SNX7: variants seen among roughly 807,000 people sequenced by gnomAD.
SNX7 encodes sorting nexin 7.
Under a neutral mutation model 48.4 loss-of-function variants are expected in SNX7, and 35 were observed. That is an observed-to-expected ratio of 0.72 (90% CI 0.55 to 0.96). The LOEUF (loss-of-function observed/expected upper bound fraction) is 0.96. Among genes scored for constraint, SNX7 ranks in the 40% least tolerant of loss-of-function variants. The probability of loss-of-function intolerance (pLI) is 0.00; values close to 1 mark genes in which losing one functional copy is unlikely to be tolerated. For synonymous variants in SNX7, 190 were observed against 190.2 expected (o/e 1.00, Z 0.01); for missense variants, 553 against 548.9 (o/e 1.01, Z -0.07).
At chr1:98,661,634 C>T (rs1003277170), upstream of SNX7, 10 of 1,069,064 alleles carry the variant, frequency 9.4e-6, no homozygotes, top group South Asian at 1.8e-4. Context: ...GGAGCGGGGC[C>T]GGCCGGGGAG....
At chr1:98,667,100 T>C (rs1378950419) in intron 1 of SNX7, among the ~76,000 whole-genome samples, 1 of 152,222 alleles carries the variant, frequency 6.6e-6, no homozygotes, top group Non-Finnish European at 1.5e-5. Flanking sequence ...AATTCCTGCA[T>C]AAACCAGTGA....
In SNX7 at chr1:98,722,269, G is replaced by C. The variant is rs941352329; in HGVS notation, c.1126-15968G>C. 4.6e-5 allele frequency among the ~76,000 whole-genome samples: 7 copies of C among 152,232 alleles called. No individual in the cohort carries two copies. The East Asian group carries it at 1.3e-3, about 29-fold the overall frequency. On this transcript the variant is annotated intron_variant, in intron 7 of 8. Coordinates refer to ENST00000306121, the MANE Select transcript of SNX7 (RefSeq NM_015976.5). ...GAGAGGTTTCCACTTTTTAAGAAAA[G>C]TATGTATTGTAAAGTATGTAAAAAA...
chr1:98,674,368 C>T (rs1000981083), intron 1 of SNX7, among the ~76,000 whole-genome samples: 1 of 152,108 alleles, frequency 6.6e-6, no homozygotes, highest in African/African-American at 2.4e-5. Context: ...CTTCTGAGGG[C>T]CGTGAGAGAG....
At chr1:98,697,063 CA>C (rs1407142297) in intron 5 of SNX7, among the ~76,000 whole-genome samples, 1 of 151,944 alleles carries the variant, frequency 6.6e-6, no homozygotes, top group African/African-American at 2.4e-5. Context: ...AAATATTGTT[CA>C]GGTTTAATGA....
chr1:98,747,797 A>G (rs533036073), intron 8 of SNX7, among the ~76,000 whole-genome samples: 1 of 152,236 alleles, frequency 6.6e-6, no homozygotes, highest in Admixed American at 6.5e-5. Flanking sequence ...TTTAGAATCA[A>G]CTAGTTGTCA....
chr1:98,709,726 A>G (rs1364697594), intron 7 of SNX7, among the ~76,000 whole-genome samples: 1 of 152,140 alleles, frequency 6.6e-6, no homozygotes, highest in Admixed American at 6.6e-5. Context: ...TATCCCATTT[A>G]TCTCACTTTT....
At chr1:98,688,519 G>A (rs1650931514) in intron 2 of SNX7, among the ~76,000 whole-genome samples, 1 of 152,122 alleles carries the variant, frequency 6.6e-6, no homozygotes, top group Admixed American at 6.5e-5. Flanking sequence ...GTATAGTTAG[G>A]AGTTAAGCTG....
At chr1:98,726,659 AT>A (rs11361141) in intron 7 of SNX7, among the ~76,000 whole-genome samples, 40,132 of 151,872 alleles carry the variant, frequency 0.26, 5,640 homozygotes, top group Middle Eastern at 0.32. Context: ...TTTTAAGGGG[AT>A]TTTTTTTGGA....
At chr1:98,725,445 A>G (rs1406083601) in intron 7 of SNX7, among the ~76,000 whole-genome samples, 1 of 152,172 alleles carries the variant, frequency 6.6e-6, no homozygotes, top group Non-Finnish European at 1.5e-5. Flanking sequence ...AGGAAGAAAA[A>G]CATTTCACAA....
intron 7 of SNX7, among the ~76,000 whole-genome samples, chr1:98,721,649 G>T (rs553535867): frequency 2.6e-5 from 4 of 152,174 alleles, no homozygotes; most frequent in African/African-American, 9.6e-5. Context: ...ATATTGTTTA[G>T]TTAAGTAGTG....
At chr1:98,662,923 A>T in intron 1 of SNX7, 1 of 1,022,432 alleles carries the variant, frequency 9.8e-7, no homozygotes, top group South Asian at 1.6e-5. Flanking sequence ...TATAAAACTT[A>T]TTTCTACTTC....
chr1:98,753,458 G>A (rs190185264), intron 8 of SNX7, among the ~76,000 whole-genome samples: 2 of 152,144 alleles, frequency 1.3e-5, no homozygotes, highest in East Asian at 3.9e-4. Context: ...AAAATGATAG[G>A]AGTTTGTTCA....
rs370764089 is a variant in SNX7, at chr1:98,760,148, T to C, written c.*17T>C. ...AAACCTTAATCCCATTGAGGACTTC[T>C]GTTTGATCTTTGGGAGACAGCATTT... is the stretch of plus-strand genomic sequence containing the variant. On this transcript the variant is annotated 3_prime_UTR_variant, in exon 9 of 9. Transcript: ENST00000306121. 6.4e-6 allele frequency: 10 copies of C among 1,567,232 alleles called. No homozygotes were observed. The South Asian group carries it at 6.7e-5, about 10-fold the overall frequency.
In SNX7 at chr1:98,692,721, A is replaced by G. The variant is rs553460135; in HGVS notation, c.639+1022A>G. 4.5e-4 allele frequency among the ~76,000 whole-genome samples: 68 copies of G among 152,312 alleles called. No individual in the cohort carries two copies. In the South Asian group the frequency reaches 6.4e-3, roughly 14 times the overall value. Reference sequence around the variant, plus strand: ...ACAGGAGGGCTACAAAAATAGTACAATAGTACAGTGTGTAGTGTAGTTAAT... The same window carrying G: ...ACAGGAGGGCTACAAAAATAGTACAGTAGTACAGTGTGTAGTGTAGTTAAT... On this transcript the variant is annotated intron_variant, in intron 4 of 8. Transcript: ENST00000306121.
intron 3 of SNX7, 34 bp from the exon 4 acceptor site, chr1:98,691,501 T>G: frequency 6.6e-7 from 1 of 1,525,344 alleles, no homozygotes. Flanking sequence ...TGGCTAATAA[T>G]ACTTGAATAC....
rs185883902 is a variant in SNX7 at position 98,667,853 on chromosome 1, C to T, written c.180+5942C>T. On this transcript the variant is annotated intron_variant, in intron 1 of 8. Transcript: ENST00000306121. ...TGCCCTAATATGTATGTTCCCCTTT[C>T]CCTAAGGCCTACATCCTGATCTTGT... is the stretch of plus-strand genomic sequence containing the variant. Among the ~76,000 whole-genome samples, 206 of 151,954 alleles carry T rather than the reference C, an allele frequency of 1.4e-3. 2 individuals are homozygous for T. Among genetic ancestry groups the T allele is most frequent in the Middle Eastern group, 0.01 (3 of 294 alleles).
Position 98,682,023 on chromosome 1 carries a change from A to C in SNX7, c.181-2862A>C, listed in dbSNP as rs374499284. On this transcript the variant is annotated intron_variant, in intron 1 of 8. Coordinates refer to ENST00000306121, the MANE Select transcript of SNX7 (RefSeq NM_015976.5). Reference sequence around the variant, plus strand: ...TACACCAATTATAATTTATCTACAGATCTAACATAGGCATGCTTCCTATCA... The same window carrying C: ...TACACCAATTATAATTTATCTACAGCTCTAACATAGGCATGCTTCCTATCA... Among the ~76,000 whole-genome samples the C allele has an allele frequency of 1.5e-4, 23 of 152,150 alleles. No homozygotes were observed. The East Asian group carries it at 4.2e-3, about 28-fold the overall frequency.
At chr1:98,670,992 A>G (rs1649832370) in intron 1 of SNX7, among the ~76,000 whole-genome samples, 1 of 152,224 alleles carries the variant, frequency 6.6e-6, no homozygotes, top group South Asian at 2.1e-4. Context: ...TACTCTAAAA[A>G]GAATACTTTA....
At position 98,661,727 on chromosome 1, in the gene SNX7, T is replaced by A; in HGVS notation, c.-5T>A. ...GTGGCGGCCGGCTGGGCGCGCACTC[T>A]CGGGATGGAGGGCGAGCGCCGGGCA... On this transcript the variant is annotated 5_prime_UTR_variant, in exon 1 of 9. Coordinates refer to ENST00000306121, the MANE Select transcript of SNX7 (RefSeq NM_015976.5). 1 of 1,222,650 alleles carries A rather than the reference T, an allele frequency of 8.2e-7. No individual in the cohort carries two copies. The highest frequency in any genetic ancestry group is 1.0e-6 in the Non-Finnish European group (1 of 978,980). 75.7% of individuals were successfully genotyped at this position (1,222,650 alleles called of 1,614,324 possible).
Sources: gnomAD v4.1 joint callset for allele counts (sites outside exome capture counted in the v4.1 genomes callset) on GRCh38, gnomAD v4.1.1 for gene constraint, MANE v1.5 for transcripts, NCBI Gene and HGNC (gene_info 2026-07-23, HGNC 2026-07-21) for gene names.